TCF20: variants seen among roughly 807,000 people sequenced by gnomAD.
The protein encoded by TCF20 is transcription factor 20, also known as SPRE-binding protein.
TCF20 carries 3 observed loss-of-function variants against 148.6 expected under a neutral mutation model. That is an observed-to-expected ratio of 0.02 (90% CI 0.01 to 0.05). The LOEUF is 0.05. TCF20 is among the 10% of genes least tolerant of loss of function. The probability of loss-of-function intolerance (pLI) is 1.00; values close to 1 mark genes in which losing one functional copy is unlikely to be tolerated. For missense variants in TCF20, 2,350 were observed against 2,429.3 expected, an observed-to-expected ratio of 0.97 and a Z score of 0.69; for synonymous variants, 1,049 against 909.5, an observed-to-expected ratio of 1.15 and a Z score of -2.76.
At chr22:42,298,821 G>A (rs1321131160) in intron 1 of TCF20, among the ~76,000 whole-genome samples, 1 of 152,268 alleles carries the variant, frequency 6.6e-6, no homozygotes, top group Non-Finnish European at 1.5e-5. Flanking sequence ...GGCCAGAGCA[G>A]CAGGCAGTCC....
intron 2 of TCF20, among the ~76,000 whole-genome samples, chr22:42,188,320 A>AAAAAAAAAAAAAAAAAAC (rs1937153579): frequency 6.7e-6 from 1 of 148,706 alleles, no homozygotes; most frequent in Non-Finnish European, 1.5e-5. Flanking sequence ...AAAAAAAAAA[A>AAAAAAAAAAAAAAAAAAC]TCCAGATTCT....
At chr22:42,265,921 A>G (rs1926262854) in intron 1 of TCF20, among the ~76,000 whole-genome samples, 1 of 152,188 alleles carries the variant, frequency 6.6e-6, no homozygotes, top group Admixed American at 6.5e-5. Flanking sequence ...AAATTTTTTC[A>G]CAGATTAAAT....
At chr22:42,331,660 A>G (rs1927977055) in intron 1 of TCF20, among the ~76,000 whole-genome samples, 1 of 152,210 alleles carries the variant, frequency 6.6e-6, no homozygotes, top group South Asian at 2.1e-4. Context: ...CTGCACCCCA[A>G]CAGCAGCCTG....
intron 2 of TCF20, among the ~76,000 whole-genome samples, chr22:42,196,220 C>T (rs1255648661): frequency 1.3e-5 from 2 of 152,160 alleles, no homozygotes; most frequent in East Asian, 3.8e-4. Flanking sequence ...CCCATGGGTG[C>T]TAAGTGGTGT....
At chr22:42,330,751 AG>A (rs1197494638) in intron 1 of TCF20, among the ~76,000 whole-genome samples, 4 of 152,332 alleles carry the variant, frequency 2.6e-5, no homozygotes, top group Admixed American at 2.0e-4. Context: ...CAGCCCACAG[AG>A]TCCAGGAAGT....
In TCF20 at chr22:42,214,221, T is replaced by G. The variant is rs534423815; in HGVS notation, c.1085A>C (p.Gln362Pro). 8 of 1,614,242 alleles carry G rather than the reference T, an allele frequency of 5.0e-6. No homozygotes were observed. In the South Asian group the frequency reaches 7.7e-5, roughly 16 times the overall value. ...AGGGTTAGAAATGGGGCTGAAGTTC[T>G]GGTGAAACTGCATGGGGGACCTCAC... ...VPVRSPMQFHQNFSPISNPSP... is the reference protein window; with the variant it reads ...VPVRSPMQFHPNFSPISNPSP... Residue 362 changes from glutamine to proline, a missense_variant, in exon 2 of 6, where the codon CAG (glutamine) becomes CCG (proline). By Grantham distance (76) the Gln-to-Pro change is moderately conservative. Coordinates refer to ENST00000677622, the MANE Select transcript of TCF20 (RefSeq NM_001378418.1).
chr22:42,174,879 G>C (rs1314685301), intron 3 of TCF20, among the ~76,000 whole-genome samples: 1 of 151,968 alleles, frequency 6.6e-6, no homozygotes, highest in African/African-American at 2.4e-5. Context: ...ACTAAAAACA[G>C]AAAAAATTAG....
chr22:42,285,854 T>C (rs134897), upstream of TCF20, among the ~76,000 whole-genome samples: 99,840 of 151,864 alleles, frequency 0.66, 33,599 homozygotes, highest in Non-Finnish European at 0.74. This position sits in a 1 kb window ranked among gnomAD's most constrained non-coding sequence, Gnocchi z 4.2. Context: ...CACCACTTCC[T>C]GCGTTACATG....
intron 1 of TCF20, among the ~76,000 whole-genome samples, chr22:42,275,945 A>G (rs571045923): frequency 6.6e-6 from 1 of 152,294 alleles, no homozygotes; most frequent in South Asian, 2.1e-4. Flanking sequence ...GCAGATGAGG[A>G]AACTGAGGCA....
intron 1 of TCF20, chr22:42,278,796 C>T (rs890838361): frequency 2.0e-5 from 3 of 152,294 alleles, no homozygotes; most frequent in Admixed American, 6.5e-5. Flanking sequence ...TCCCCATGTA[C>T]AGGCGTGGAC....
chr22:42,212,581 T>C lies in TCF20; in HGVS notation c.2725A>G (p.Ile909Val). 5 of 1,614,120 alleles carry C rather than the reference T, an allele frequency of 3.1e-6. No individual in the cohort carries two copies. Among genetic ancestry groups the C allele is most frequent in the South Asian group, 1.1e-5 (1 of 91,088 alleles). The part of the protein sequence containing the change: ...RLNPTLSQSV[I>V]LPGGLVSMET... Reference sequence around the variant, plus strand: ...ATGGACACCAAACCACCAGGAAGAATGACCGACTGACTTAAAGTTGGATTG... The same window carrying C: ...ATGGACACCAAACCACCAGGAAGAACGACCGACTGACTTAAAGTTGGATTG... Residue 909 changes from isoleucine to valine, a missense_variant, in exon 2 of 6, where the codon ATT becomes GTT. Ile to Val is a conservative substitution (Grantham distance 29, BLOSUM62 3). Around this residue, in one of 7 missense-constraint regions of TCF20, gnomAD observed 1,641 missense variants for 1,662.6 expected, o/e 0.99. Coordinates refer to ENST00000677622, the MANE Select transcript of TCF20 (RefSeq NM_001378418.1).
At chr22:42,322,138 T>C (rs569336356) in intron 1 of TCF20, among the ~76,000 whole-genome samples, 1 of 151,920 alleles carries the variant, frequency 6.6e-6, no homozygotes, top group African/African-American at 2.4e-5. Flanking sequence ...GTTTTTCCTT[T>C]CTCATTCAAA....
At chr22:42,255,416 G>C (rs760894988) in intron 1 of TCF20, among the ~76,000 whole-genome samples, 1 of 151,964 alleles carries the variant, frequency 6.6e-6, no homozygotes, top group African/African-American at 2.4e-5. Flanking sequence ...TTGAACCCGG[G>C]AGGAGGAGAC....
chr22:42,283,777 G>C (rs910605085), intron 1 of TCF20, among the ~76,000 whole-genome samples: 2 of 151,852 alleles, frequency 1.3e-5, no homozygotes, highest in African/African-American at 4.8e-5. Context: ...CGCCTCGCAC[G>C]CCAGAGCAAA....
chr22:42,186,389 A>G (rs951165951), intron 2 of TCF20, among the ~76,000 whole-genome samples: 1 of 152,254 alleles, frequency 6.6e-6, no homozygotes, highest in Non-Finnish European at 1.5e-5. Context: ...TTTACAAACT[A>G]GAAAGTTATG....
chr22:42,339,318 C>A (rs1928123045), intron 1 of TCF20, among the ~76,000 whole-genome samples: 1 of 152,226 alleles, frequency 6.6e-6, no homozygotes, highest in African/African-American at 2.4e-5. Context: ...CAAGGCCACA[C>A]AGCTGGACAG....
intron 2 of TCF20, among the ~76,000 whole-genome samples, chr22:42,191,411 T>G (rs1937328084): frequency 6.6e-6 from 1 of 152,172 alleles, no homozygotes; most frequent in African/African-American, 2.4e-5. Context: ...TGCCTTAGCC[T>G]CTAAAGTAGC....
chr22:42,245,577 C>G (rs1241602109), intron 1 of TCF20, among the ~76,000 whole-genome samples: 1 of 152,032 alleles, frequency 6.6e-6, no homozygotes, highest in Non-Finnish European at 1.5e-5. Flanking sequence ...ATTGTGATAC[C>G]TTCTGCAATG....
intron 5 of TCF20, 113 bp from the exon 6 acceptor site, chr22:42,161,471 C>A (rs991570052): frequency 1.4e-6 from 2 of 1,393,804 alleles, no homozygotes; most frequent in African/African-American, 1.4e-5. Context: ...TGCACTCACG[C>A]CCCTCTGCAG....
Sources: allele counts gnomAD v4.1 joint callset (sites outside exome capture counted in the v4.1 genomes callset), GRCh38; gene constraint gnomAD v4.1.1; regional missense constraint gnomAD v4.1.1; non-coding constraint Gnocchi (gnomAD v3.1); transcripts MANE v1.5; gene names NCBI Gene and HGNC (gene_info 2026-07-23, HGNC 2026-07-21).